The following RYK variants were observed in gnomAD, a reference collection of about 807,000 sequenced individuals.
RYK encodes inactive tyrosine-protein kinase RYK.
A neutral mutation model predicts 70.2 loss-of-function variants in RYK; 21 were observed. That is an observed-to-expected ratio of 0.30 (90% CI 0.21 to 0.43). The LOEUF (loss-of-function observed/expected upper bound fraction) is 0.43. Among genes scored for constraint, RYK ranks in the 20% least tolerant of loss-of-function variants. The pLI, the probability that RYK is intolerant of heterozygous loss-of-function variation, is 1.00. For missense variants in RYK, 604 were observed against 753.3 expected, an observed-to-expected ratio of 0.80 and a Z score of 2.32; for synonymous variants, 267 against 278.0, an observed-to-expected ratio of 0.96 and a Z score of 0.39.
At chr3:134,190,242 G>GT (rs914878464) in intron 8 of RYK, among the ~76,000 whole-genome samples, 3 of 152,124 alleles carry the variant, frequency 2.0e-5, no homozygotes, top group Non-Finnish European at 4.4e-5. Context: ...CCTCACAAAG[G>GT]TTTTCCCTTC....
At chr3:134,218,414 T>G (rs2014627091) in intron 2 of RYK, among the ~76,000 whole-genome samples, 1 of 152,120 alleles carries the variant, frequency 6.6e-6, no homozygotes, top group Non-Finnish European at 1.5e-5. Context: ...ATTACAATAT[T>G]CTTAAAGTAT....
At position 134,200,319 on chromosome 3, in the gene RYK, C is replaced by T. The variant is rs114152778; in HGVS notation, c.788+2411G>A. ...ACCCACCAGGAGGAACGAACCACTC[C>T]GGATGCACCACCTTTAAGAGCTATA... On this transcript the variant is annotated intron_variant, in intron 6 of 14. Transcript: ENST00000623711. Among the ~76,000 whole-genome samples, 599 of 152,190 alleles carry T rather than the reference C, an allele frequency of 3.9e-3. 7 individuals carry two copies. The highest frequency in any genetic ancestry group is 0.013 in the African/African-American group (525 of 41,516).
chr3:134,215,776 A>G (rs1049021795), intron 2 of RYK, among the ~76,000 whole-genome samples: 4 of 152,180 alleles, frequency 2.6e-5, no homozygotes, highest in African/African-American at 9.6e-5. Context: ...GGTGGCTCAC[A>G]CCTGTAATCC....
chr3:134,184,961 CAAAAAAAAAAAAA>C (rs34543975), intron 9 of RYK, among the ~76,000 whole-genome samples: 1 of 80,132 alleles, frequency 1.2e-5, no homozygotes, highest in African/African-American at 4.8e-5. Flanking sequence ...CCCATCTCTA[CAAAAAAAAAAAAA>C]AAAAAAAAAA....
intron 9 of RYK, among the ~76,000 whole-genome samples, chr3:134,186,538 G>T (rs1352569236): frequency 2.6e-5 from 4 of 152,118 alleles, no homozygotes; most frequent in African/African-American, 4.8e-5. Flanking sequence ...CAAATTTGAG[G>T]CAATGCACTT....
intron 6 of RYK, 81 bp from the exon 7 acceptor site, chr3:134,195,263 A>G: frequency 1.0e-6 from 1 of 955,142 alleles, no homozygotes; most frequent in Non-Finnish European, 1.7e-6. Flanking sequence ...CAAAATGCAC[A>G]TAGCCATTAA....
chr3:134,175,881 C>T (rs1220828293), intron 12 of RYK, 49 bp downstream of exon 12: 1 of 1,549,436 alleles, frequency 6.5e-7, no homozygotes, highest in South Asian at 1.1e-5. Flanking sequence ...AACCCCAAAT[C>T]CAGGAAGCAC....
intron 13 of RYK, among the ~76,000 whole-genome samples, chr3:134,162,469 G>A (rs909255446): frequency 2.6e-5 from 4 of 152,064 alleles, no homozygotes; most frequent in African/African-American, 9.7e-5. Context: ...CTGGGAGGAG[G>A]GGGCAGGCGA....
At chr3:134,177,383 C>CA (rs75761758) in intron 11 of RYK, among the ~76,000 whole-genome samples, 17,597 of 151,830 alleles carry the variant, frequency 0.12, 1,447 homozygotes, top group South Asian at 0.33. Context: ...CAGCTGACAG[C>CA]AAAAAAAACC....
intron 9 of RYK, among the ~76,000 whole-genome samples, chr3:134,186,818 T>C (rs2013480547): frequency 6.6e-6 from 1 of 151,848 alleles, no homozygotes; most frequent in South Asian, 2.1e-4. Flanking sequence ...AAGTCAATAA[T>C]AGCCCAGTTC....
Position 134,230,574 on chromosome 3 carries a change from T to C in RYK, c.233-8035A>G, listed in dbSNP as rs113332833. ...GAAAGAAACTACACAAGAGAGTATA[T>C]ACTAATATTTCCACTTATATAAAGT... On this transcript the variant is annotated intron_variant, in intron 1 of 14. Transcript: ENST00000623711. Among the ~76,000 whole-genome samples the C allele has an allele frequency of 3.2e-4, 48 of 152,332 alleles. 2 individuals are homozygous for C. The South Asian group carries it at 8.1e-3, about 26-fold the overall frequency.
At chr3:134,239,978 G>A (rs2015280871) in intron 1 of RYK, among the ~76,000 whole-genome samples, 1 of 152,212 alleles carries the variant, frequency 6.6e-6, no homozygotes, top group African/African-American at 2.4e-5. Context: ...GTGAGAAGGA[G>A]TCTGGCACCA....
chr3:134,233,842 C>T (rs1001389230), intron 1 of RYK, among the ~76,000 whole-genome samples: 9 of 152,088 alleles, frequency 5.9e-5, no homozygotes, highest in Non-Finnish European at 1.0e-4. Flanking sequence ...TAGAATATAA[C>T]AGTAAATGCA....
intron 4 of RYK, among the ~76,000 whole-genome samples, chr3:134,208,015 A>G (rs2014266947): frequency 6.6e-6 from 1 of 152,216 alleles, no homozygotes; most frequent in Non-Finnish European, 1.5e-5. Flanking sequence ...AGGATCACAT[A>G]ATAAAGTAAG....
At chr3:134,166,442 C>T (rs996988777) in intron 13 of RYK, among the ~76,000 whole-genome samples, 3 of 152,194 alleles carry the variant, frequency 2.0e-5, no homozygotes, top group Admixed American at 6.5e-5. Context: ...GGCTCCAATA[C>T]ACTAAGACAC....
At chr3:134,193,973 CT>C (rs1357694335) in intron 7 of RYK, among the ~76,000 whole-genome samples, 11 of 152,234 alleles carry the variant, frequency 7.2e-5, no homozygotes, top group African/African-American at 2.6e-4. Flanking sequence ...AGGTCCCCTA[CT>C]TTTAGTAATG....
At chr3:134,230,492 G>T (rs1353626375) in intron 1 of RYK, among the ~76,000 whole-genome samples, 6 of 152,162 alleles carry the variant, frequency 3.9e-5, no homozygotes, top group African/African-American at 7.2e-5. Flanking sequence ...ATGCTAATCA[G>T]CAATGAAAAT....
At chr3:134,202,184 C>T (rs1304907362) in intron 6 of RYK, among the ~76,000 whole-genome samples, 1 of 152,310 alleles carries the variant, frequency 6.6e-6, no homozygotes, top group East Asian at 1.9e-4. Flanking sequence ...TAGAATCATC[C>T]AGGAAGCTTT....
At chr3:134,204,332 GA>G (rs150839271) in intron 5 of RYK, among the ~76,000 whole-genome samples, 3 of 149,180 alleles carry the variant, frequency 2.0e-5, no homozygotes, top group Admixed American at 6.7e-5. Flanking sequence ...CATCTCTACT[GA>G]AAAAAAAATA....
Sources: gnomAD v4.1 joint callset for allele counts (sites outside exome capture counted in the v4.1 genomes callset) on GRCh38, gnomAD v4.1.1 for gene constraint, MANE v1.5 for transcripts, NCBI Gene and HGNC (gene_info 2026-07-23, HGNC 2026-07-21) for gene names.